COL17A1: variants seen among roughly 807,000 people sequenced by gnomAD.
COL17A1 encodes collagen type XVII alpha 1 chain, also known as collagen alpha-1(XVII) chain.
Under a neutral mutation model 218.4 loss-of-function variants are expected in COL17A1, and 181 were observed. The ratio of observed to expected loss-of-function variants is 0.83; its 90% confidence interval spans 0.73 to 0.94. The LOEUF (loss-of-function observed/expected upper bound fraction) is 0.94. Among genes scored for constraint, COL17A1 ranks in the 40% least tolerant of loss-of-function variants. The pLI, the probability that COL17A1 is intolerant of heterozygous loss-of-function variation, is 0.00. For synonymous variants in COL17A1, 721 were observed against 731.0 expected, an observed-to-expected ratio of 0.99 and a Z score of 0.22; for missense variants, 1,924 against 1,945.9, an observed-to-expected ratio of 0.99 and a Z score of 0.21.
rs780200209 is a variant in COL17A1, at chr10:104,035,575, A to G, written c.3419-12T>C. 3.1e-6 allele frequency: 5 copies of G among 1,608,816 alleles called. No homozygotes were observed. The highest frequency in any genetic ancestry group is 4.3e-6 in the Non-Finnish European group (5 of 1,176,360). On this transcript the variant is annotated splice_polypyrimidine_tract_variant and intron_variant, in intron 48 of 55. Coordinates refer to ENST00000648076, the MANE Select transcript of COL17A1 (RefSeq NM_000494.4). Reference sequence around the variant, plus strand: ...GCTGATCCCAGAACCTAGGGAGGTGATGGATTCAGATCAGGCAGGGGGAGG... The same window carrying G: ...GCTGATCCCAGAACCTAGGGAGGTGGTGGATTCAGATCAGGCAGGGGGAGG...
At chr10:104,054,023 C>A in intron 21 of COL17A1, 41 bp from the exon 22 acceptor site, 12 of 1,612,918 alleles carry the variant, frequency 7.4e-6, no homozygotes, top group Non-Finnish European at 1.0e-5. Flanking sequence ...GTTTTCCTCC[C>A]AGAAGCCATC....
At chr10:104,078,735 G>A in intron 2 of COL17A1, 149 bp from the exon 3 acceptor site, 7 of 1,042,958 alleles carry the variant, frequency 6.7e-6, no homozygotes, top group Non-Finnish European at 9.9e-6. Context: ...TGTGTGATCT[G>A]ACCCACTGTG....
At chr10:104,052,394 T>C (rs1249932787) in intron 23 of COL17A1, among the ~76,000 whole-genome samples, 177 bp from the exon 24 acceptor site, 1 of 152,176 alleles carries the variant, frequency 6.6e-6, no homozygotes, top group Non-Finnish European at 1.5e-5. Flanking sequence ...CCAGAGACTT[T>C]ATAGTCTATG....
At position 104,034,052 on chromosome 10, in the gene COL17A1, G is replaced by A. The variant is rs753575654; in HGVS notation, c.4049C>T (p.Ala1350Val). The change falls in exon 52 of 56, where the codon GCA becomes GTA. Residue 1350 changes from alanine (A) to valine (V), a missense_variant. Coordinates refer to ENST00000648076, the MANE Select transcript of COL17A1 (RefSeq NM_000494.4). ...DIGPGGGYGA[A>V]AEGGMYAGNG... ...GCCAGCATACATGCCGCCTTCTGCTGCTGCCCCATAGCCTCCGCCTGGGCC... is the reference window on the plus strand; with the variant it reads ...GCCAGCATACATGCCGCCTTCTGCTACTGCCCCATAGCCTCCGCCTGGGCC... 1.3e-5 allele frequency: 21 copies of A among 1,613,982 alleles called. No homozygotes were observed. The South Asian group carries it at 1.4e-4, about 11-fold the overall frequency.
At chr10:104,044,780 G>C (rs1365120158) in intron 33 of COL17A1, among the ~76,000 whole-genome samples, 1 of 152,078 alleles carries the variant, frequency 6.6e-6, no homozygotes, top group Non-Finnish European at 1.5e-5. Context: ...CCTCAAAAAG[G>C]GAAGGTTTCT....
Position 104,034,177 on chromosome 10 carries a change from G to C in COL17A1, c.3924C>G (p.Ser1308Arg), listed in dbSNP as rs762393283. The C allele has an allele frequency of 6.2e-7, 1 of 1,613,472 alleles. No individual in the cohort carries two copies. Among genetic ancestry groups the C allele is most frequent in the Non-Finnish European group, 8.5e-7 (1 of 1,179,946 alleles). ...SSSVRRGSSY[S>R]SSMSTGGGGA... ...CACCTCCTCCTGTGCTCATGGAAGA[G>C]CTGTAGGAGCTGCCCCGCCTGACAG... Residue 1308 changes from serine to arginine, a missense_variant, in exon 52 of 56, where the codon AGC becomes AGG. Coordinates refer to ENST00000648076, the MANE Select transcript of COL17A1 (RefSeq NM_000494.4).
intron 17 of COL17A1, 145 bp from the exon 18 acceptor site, chr10:104,056,148 C>T (rs1470928843): frequency 2.2e-5 from 22 of 996,586 alleles, no homozygotes; most frequent in South Asian, 4.0e-5. Context: ...GATAATCTGC[C>T]GTGGCCACCA....
Position 104,057,158 on chromosome 10 carries a change from C to T in COL17A1, c.1282G>A (p.Gly428Ser), listed in dbSNP as rs805698. Reference sequence around the variant, plus strand: ...CCACTGCCACCACCACCACTGCTGCCGTAGCTGTGGATATCTGTGAAAGAG... The same window carrying T: ...CCACTGCCACCACCACCACTGCTGCTGTAGCTGTGGATATCTGTGAAAGAG... ...KTTTADIHSY[G>S]SSGGGGSGGG... The change falls in exon 17 of 56, where the codon GGC becomes AGC. Residue 428 changes from glycine to serine, a missense_variant. Physicochemically the swap from Gly to Ser is moderately conservative, Grantham distance 56 (BLOSUM62 0). Transcript: ENST00000648076. 0.96 allele frequency: 1,553,379 copies of T among 1,613,840 alleles called. 755,323 individuals are homozygous for T. The highest frequency in any genetic ancestry group is 1 in the Non-Finnish European group (1,175,253 of 1,179,924).
intron 51 of COL17A1, 68 bp from the exon 52 acceptor site, chr10:104,034,402 G>C: frequency 2.6e-6 from 4 of 1,510,724 alleles, no homozygotes; most frequent in African/African-American, 2.8e-5. Context: ...GGGAGTTAGG[G>C]AGTCTCTCCC....
At chr10:104,057,829 C>A (rs2086545296) in intron 16 of COL17A1, among the ~76,000 whole-genome samples, 1 of 152,090 alleles carries the variant, frequency 6.6e-6, no homozygotes, top group African/African-American at 2.4e-5. Context: ...TCTTCTTGAG[C>A]TGCTGTGTAA....
At chr10:104,070,905 C>A (rs2086664219) in intron 8 of COL17A1, among the ~76,000 whole-genome samples, 1 of 152,172 alleles carries the variant, frequency 6.6e-6, no homozygotes, top group Non-Finnish European at 1.5e-5. Flanking sequence ...AGTTAGAGAA[C>A]CAGGTCCCTT....
chr10:104,035,600 G>T, intron 48 of COL17A1, 37 bp from the exon 49 acceptor site: 1 of 1,539,168 alleles, frequency 6.5e-7, no homozygotes, highest in Non-Finnish European at 8.9e-7. Flanking sequence ...GCAGGGGGAG[G>T]CAGATGGAAA....
In COL17A1 at chr10:104,034,782, GAGAA is replaced by G. The variant is rs1564670216; in HGVS notation, c.3620-19_3620-16del. ...CAAGCCGGCAGCTGGGCAGAAGGAA[GAGAA>G]AGAAAGGTCGGGGTAGTGCTGCGGA... On this transcript the variant is annotated splice_polypyrimidine_tract_variant and intron_variant, in intron 50 of 55. Coordinates refer to ENST00000648076, the MANE Select transcript of COL17A1 (RefSeq NM_000494.4). 1.9e-6 allele frequency: 3 copies of G among 1,610,870 alleles called. No individual in the cohort carries two copies. Among genetic ancestry groups the G allele is most frequent in the East Asian group, 2.2e-5 (1 of 44,776 alleles).
chr10:104,061,473 G>A lies in COL17A1; in HGVS notation c.911C>T (p.Ala304Val), dbSNP rs777886875. 2.5e-6 allele frequency: 4 copies of A among 1,613,088 alleles called. No individual in the cohort carries two copies. Among genetic ancestry groups the A allele is most frequent in the Admixed American group, 1.7e-5 (1 of 59,964 alleles). ...GGGCATGTTTTTCTTCACCCCATATGCTGCAAGAAAGGAAGCTGGGTCAGC... is the reference window on the plus strand; with the variant it reads ...GGGCATGTTTTTCTTCACCCCATATACTGCAAGAAAGGAAGCTGGGTCAGC... ...LSHGTTTTST[A>V]YGVKKNMPQS... The change falls in exon 13 of 56, where the codon GCA becomes GTA. Residue 304 changes from alanine to valine, a missense_variant and splice_region_variant. Transcript: ENST00000648076.
At chr10:104,050,972 A>G in intron 25 of COL17A1, 71 bp from the exon 26 acceptor site, 2 of 1,606,356 alleles carry the variant, frequency 1.2e-6, no homozygotes, top group Non-Finnish European at 8.5e-7. Context: ...ATGTATGCAC[A>G]CACATGCACA....
At chr10:104,037,467 GA>G in intron 46 of COL17A1, among the ~76,000 whole-genome samples, 168 bp downstream of exon 46, 1 of 152,256 alleles carries the variant, frequency 6.6e-6, no homozygotes, top group East Asian at 1.9e-4. Flanking sequence ...AATCTGGACA[GA>G]CCCTTGTTGA....
chr10:104,037,794 CAA>C, intron 45 of COL17A1, 21 bp from the exon 46 acceptor site: 2 of 1,612,364 alleles, frequency 1.2e-6, no homozygotes, highest in Non-Finnish European at 1.7e-6. Flanking sequence ...AGGAACAAAG[CAA>C]AGTCAAGCCT....
chr10:104,062,370 G>A, intron 11 of COL17A1, 41 bp from the exon 12 acceptor site: 2 of 1,613,808 alleles, frequency 1.2e-6, no homozygotes, highest in Non-Finnish European at 1.7e-6. Flanking sequence ...AGGGAGCACG[G>A]GGGATGCCCC....
chr10:104,036,590 G>C lies in COL17A1; in HGVS notation c.3320C>G (p.Pro1107Arg), dbSNP rs2134573959. ...TCCTGGTGGCCCTGGCGGACCCCGA[G>C]GGCCCATCAAGTACTGACGTAGGTA... ...RQYLRQYLMG[P>R]RGPPGPPGAS... Residue 1107 changes from proline to arginine, a missense_variant, in exon 48 of 56, where the codon CCT (proline) becomes CGT (arginine). Physicochemically the swap from Pro to Arg is moderately radical, Grantham distance 103 (BLOSUM62 -2). Transcript: ENST00000648076. The C allele has an allele frequency of 6.2e-7, 1 of 1,614,016 alleles. No individual in the cohort carries two copies. The highest frequency in any genetic ancestry group is 2.2e-5 in the East Asian group (1 of 44,884).
Sources: allele counts gnomAD v4.1 joint callset (sites outside exome capture counted in the v4.1 genomes callset), GRCh38; gene constraint gnomAD v4.1.1; transcripts MANE v1.5; gene names NCBI Gene and HGNC (gene_info 2026-07-23, HGNC 2026-07-21).